Variants in ZNF282 observed in about 807,000 individuals in gnomAD.
ZNF282 encodes the protein HTLV-I U5 repressive element-binding protein 1.
Under a neutral mutation model 61.9 loss-of-function variants are expected in ZNF282, and 30 were observed. The ratio of observed to expected loss-of-function variants is 0.48; its 90% CI spans 0.36 to 0.66. The LOEUF is 0.66. Ranked by LOEUF, ZNF282 falls within the 30% of genes least tolerant of loss-of-function variation. The pLI is 0.00. For synonymous variants in ZNF282, 396 were observed against 405.0 expected (o/e 0.98, Z 0.27); for missense variants, 788 against 941.4 (o/e 0.84, Z 2.13).
chr7:149,224,548 C>A lies in ZNF282; in HGVS notation c.1917C>A (p.Phe639Leu). ...CGTGCGGCGAGTGCGGCAAGAGCTT[C>A]CGCTACAAGGAGTCGCTCAAGGACC... The part of the protein sequence containing the change: ...PYTCGECGKS[F>L]RYKESLKDHL... Residue 639 changes from phenylalanine (F) to leucine (L), a missense_variant, in exon 8 of 8, where the codon TTC (phenylalanine) becomes TTA (leucine). Coordinates refer to ENST00000610704, the MANE Select transcript of ZNF282 (RefSeq NM_003575.4). The A allele has an allele frequency of 6.2e-7, 1 of 1,609,630 alleles. No homozygotes were observed.
Position 149,198,810 on chromosome 7 carries a change from T to C in ZNF282, c.585+58T>C. 1 of 1,528,364 alleles carries C rather than the reference T, an allele frequency of 6.5e-7. No homozygotes were observed. The highest frequency in any genetic ancestry group is 8.8e-7 in the Non-Finnish European group (1 of 1,141,856). 94.7% of individuals were successfully genotyped at this position (1,528,364 alleles called of 1,614,324 possible). On this transcript the variant is annotated intron_variant, in intron 2 of 7. Coordinates refer to ENST00000610704, the MANE Select transcript of ZNF282 (RefSeq NM_003575.4). The surrounding 1 kb of genome is among the most constrained non-coding windows in gnomAD (Gnocchi z 4.3). ...TGAGGAACAGCACAGGTGCATAAAA[T>C]TCTTGATTTCATTTTGTCAGCCCTT...
chr7:149,207,909 C>T (rs1796023629), intron 4 of ZNF282, among the ~76,000 whole-genome samples: 1 of 152,226 alleles, frequency 6.6e-6, no homozygotes, highest in African/African-American at 2.4e-5. Context: ...ACATGCGGCT[C>T]ACCTGCAGGC....
chr7:149,210,555 A>G (rs1457981956), intron 4 of ZNF282, 30 bp from the exon 5 acceptor site: 5 of 1,604,444 alleles, frequency 3.1e-6, no homozygotes, highest in Non-Finnish European at 4.3e-6. Flanking sequence ...AGAAAAAAAG[A>G]CACAAAGCAA....
rs375200545 is a variant in ZNF282, at chr7:149,207,334, C to T, written c.713-17C>T. On this transcript the variant is annotated splice_polypyrimidine_tract_variant and intron_variant, in intron 3 of 7. Transcript: ENST00000610704. ...TCAACTTCACTCAGCCTTTCCCTCC[C>T]TCCTCCTCACTTCCAGACGCGGAGG... is the stretch of plus-strand genomic sequence containing the variant. The T allele has an allele frequency of 6.9e-6, 11 of 1,584,730 alleles. No individual in the cohort carries two copies. In the African/African-American group the frequency reaches 1.2e-4, roughly 17 times the overall value.
chr7:149,211,222 T>C (rs898872502), intron 5 of ZNF282, among the ~76,000 whole-genome samples: 4 of 152,210 alleles, frequency 2.6e-5, no homozygotes, highest in African/African-American at 9.6e-5. Flanking sequence ...ATAGCAGATG[T>C]ATGTATCAAT....
chr7:149,217,784 TGGGAAGGAGCCGGCCGTGGGGTTGCAGG>T (rs1003602010), intron 7 of ZNF282, among the ~76,000 whole-genome samples: 1 of 151,486 alleles, frequency 6.6e-6, no homozygotes, highest in African/African-American at 2.4e-5. Flanking sequence ...CCCTTGGCAG[TGGGAAGGAGCCGGCCGTGGGGTTGCAGG>T]GGGAAGAGAA....
chr7:149,223,818 G>A lies in ZNF282; in HGVS notation c.1187G>A (p.Ser396Asn). 1 of 1,488,440 alleles carries A rather than the reference G, an allele frequency of 6.7e-7. No homozygotes were observed. Among genetic ancestry groups the A allele is most frequent in the Non-Finnish European group, 8.9e-7 (1 of 1,126,770 alleles). The allele number at this position is 1,488,440 out of a possible 1,614,324, so 92.2% of individuals were successfully genotyped here. The change falls in exon 8 of 8, where the codon AGC becomes AAC. Residue 396 changes from serine to asparagine, a missense_variant. Physicochemically the swap from Ser to Asn is conservative, Grantham distance 46 (BLOSUM62 1). This residue lies in a region of ZNF282 where 559 missense variants were observed against 642.0 expected (regional missense o/e 0.87). Coordinates refer to ENST00000610704, the MANE Select transcript of ZNF282 (RefSeq NM_003575.4). ...ELGLDSGPSD[S>N]LLMVKNPPPA... ...CTTCTTCCTATCTCCCCAGGTGACA[G>A]CCTGCTGATGGTGAAGAACCCACCC...
chr7:149,224,205 A>C lies in ZNF282; in HGVS notation c.1574A>C (p.Lys525Thr), dbSNP rs865851676. Reference sequence around the variant, plus strand: ...CCCTACTCGTGCCCCGAGTGCGGCAAGAGCTTCGGCGTGCGCAAGAGCCTC... The same window carrying C: ...CCCTACTCGTGCCCCGAGTGCGGCACGAGCTTCGGCGTGCGCAAGAGCCTC... ...SKPYSCPECG[K>T]SFGVRKSLII... The change falls in exon 8 of 8, where the codon AAG (lysine) becomes ACG (threonine). Residue 525 changes from lysine (K) to threonine (T), a missense_variant. Lys to Thr is a moderately conservative substitution (Grantham distance 78). Coordinates refer to ENST00000610704, the MANE Select transcript of ZNF282 (RefSeq NM_003575.4). 1 of 1,607,992 alleles carries C rather than the reference A, an allele frequency of 6.2e-7. No homozygotes were observed. Among genetic ancestry groups the C allele is most frequent in the Middle Eastern group, 1.6e-4 (1 of 6,062 alleles).
intron 4 of ZNF282, among the ~76,000 whole-genome samples, chr7:149,209,321 A>T (rs1454058644): frequency 6.6e-6 from 1 of 151,820 alleles, no homozygotes; most frequent in South Asian, 2.1e-4. Flanking sequence ...GTCTCAAAAA[A>T]AAAAAAGAAA....
Position 149,198,366 on chromosome 7 carries a change from A to T in ZNF282, c.199A>T (p.Met67Leu), listed in dbSNP as rs760375749. The change falls in exon 2 of 8, where the codon ATG becomes TTG. Residue 67 changes from methionine to leucine, a missense_variant. By Grantham distance (15) the Met-to-Leu change is conservative. Transcript: ENST00000610704. The surrounding 1 kb of genome is among the most constrained non-coding windows in gnomAD (Gnocchi z 4.3). ...QEWDMDARRPMPFQFPPFPDR... is the reference protein window; with the variant it reads ...QEWDMDARRPLPFQFPPFPDR... ...ATGGGACATGGACGCCCGGCGGCCAATGCCTTTTCAGTTCCCACCCTTTCC... is the reference window on the plus strand; with the variant it reads ...ATGGGACATGGACGCCCGGCGGCCATTGCCTTTTCAGTTCCCACCCTTTCC... 6.2e-7 allele frequency: 1 copy of T among 1,613,402 alleles called. No homozygotes were observed. The highest frequency in any genetic ancestry group is 1.3e-5 in the African/African-American group (1 of 74,908).
At chr7:149,219,627 A>T (rs1796206805) in intron 7 of ZNF282, among the ~76,000 whole-genome samples, 1 of 152,016 alleles carries the variant, frequency 6.6e-6, no homozygotes, top group Non-Finnish European at 1.5e-5. Context: ...CAGGTGGATC[A>T]TTTGAGGTCG....
chr7:149,214,387 G>A (rs1247580386), intron 7 of ZNF282, among the ~76,000 whole-genome samples: 2 of 152,104 alleles, frequency 1.3e-5, no homozygotes, highest in Non-Finnish European at 2.9e-5. Context: ...GAAGTCCTGG[G>A]GGTTAGGACT....
chr7:149,206,873 G>A (rs1344209232), intron 3 of ZNF282, 51 bp downstream of exon 3: 1 of 1,607,498 alleles, frequency 6.2e-7, no homozygotes, highest in Admixed American at 1.7e-5. Context: ...AGAGGGTTGT[G>A]AAATGCTTAT....
chr7:149,223,134 C>A (rs188404097), intron 7 of ZNF282, among the ~76,000 whole-genome samples: 68 of 151,998 alleles, frequency 4.5e-4, no homozygotes, highest in African/African-American at 1.5e-3. Context: ...GCCACCACTC[C>A]CGGCTAATTT....
At chr7:149,209,686 G>A (rs7793599) in intron 4 of ZNF282, among the ~76,000 whole-genome samples, 6,078 of 152,222 alleles carry the variant, frequency 0.04, 390 homozygotes, top group African/African-American at 0.14. Flanking sequence ...GAGTTGGTGC[G>A]GAGTTGAAGG....
At chr7:149,203,339 T>G (rs1795944708) in intron 2 of ZNF282, among the ~76,000 whole-genome samples, 1 of 152,172 alleles carries the variant, frequency 6.6e-6, no homozygotes, top group Admixed American at 6.5e-5. Context: ...AAATCCTGAC[T>G]TTGCCACTTA....
At position 149,207,482 on chromosome 7, in the gene ZNF282, A is replaced by T. The variant is rs767761930; in HGVS notation, c.832+12A>T. On this transcript the variant is annotated intron_variant, in intron 4 of 7. Transcript: ENST00000610704. The stretch of plus-strand genomic sequence containing the variant: ...GGATCCCGAAGCAGGTGATGGCAGC[A>T]GAAGAGAGTGCGGGGTCCAGGGAAG... 8 of 1,558,108 alleles carry T rather than the reference A, an allele frequency of 5.1e-6. No individual in the cohort carries two copies. In the East Asian group the frequency reaches 1.4e-4, roughly 28 times the overall value.
chr7:149,214,569 C>T (rs1406019930), intron 7 of ZNF282, among the ~76,000 whole-genome samples: 2 of 152,168 alleles, frequency 1.3e-5, no homozygotes, highest in Admixed American at 6.5e-5. Flanking sequence ...GTGGCTCACA[C>T]CCATGATCCC....
intron 7 of ZNF282, among the ~76,000 whole-genome samples, chr7:149,222,878 C>T (rs921341356): frequency 3.3e-5 from 5 of 152,120 alleles, no homozygotes; most frequent in African/African-American, 1.2e-4. Flanking sequence ...GATCTCTTGA[C>T]CTCGTGATCC....
Sources: gnomAD v4.1 joint callset for allele counts (sites outside exome capture counted in the v4.1 genomes callset) on GRCh38, gnomAD v4.1.1 for gene constraint, gnomAD v4.1.1 regional missense constraint, Gnocchi (gnomAD v3.1) non-coding constraint, MANE v1.5 for transcripts, NCBI Gene and HGNC (gene_info 2026-07-23, HGNC 2026-07-21) for gene names.